ST3GAL3: variants seen among roughly 807,000 people sequenced by gnomAD.
The protein encoded by ST3GAL3 is CMP-N-acetylneuraminate-beta-1,4-galactoside alpha-2,3-sialyltransferase.
ST3GAL3 carries 21 observed loss-of-function variants against 50.1 expected under a neutral mutation model. The observed-to-expected ratio is 0.42, with a 90% CI of 0.30 to 0.60. The LOEUF is 0.60. ST3GAL3 is among the 20% of genes least tolerant of loss of function. The pLI is 0.19. For missense variants in ST3GAL3, 353 were observed against 489.4 expected, an observed-to-expected ratio of 0.72 and a Z score of 2.63; for synonymous variants, 183 against 190.0, an observed-to-expected ratio of 0.96 and a Z score of 0.30.
At chr1:43,792,518 C>T (rs2058201981) in intron 3 of ST3GAL3, among the ~76,000 whole-genome samples, 1 of 152,196 alleles carries the variant, frequency 6.6e-6, no homozygotes, top group Admixed American at 6.5e-5. Flanking sequence ...ACCATCAGGG[C>T]TCTCTACTAG....
chr1:43,791,387 G>A (rs2058059466), intron 2 of ST3GAL3, among the ~76,000 whole-genome samples: 1 of 151,996 alleles, frequency 6.6e-6, no homozygotes, highest in Non-Finnish European at 1.5e-5. Flanking sequence ...CTTGCACATA[G>A]CAGTTGCCCA....
intron 2 of ST3GAL3, chr1:43,743,638 A>G: frequency 7.0e-6 from 2 of 285,390 alleles, no homozygotes; most frequent in Non-Finnish European, 1.4e-5. Flanking sequence ...AATCCATGAA[A>G]CAGGCACACC....
chr1:43,930,032 C>CG (rs764450085), intron 11 of ST3GAL3, 100 bp from the exon 12 acceptor site: 3 of 955,006 alleles, frequency 3.1e-6, no homozygotes, highest in Non-Finnish European at 5.1e-6. Context: ...TCCACAGTCA[C>CG]GGAGTATTGG....
intron 5 of ST3GAL3, among the ~76,000 whole-genome samples, chr1:43,883,323 C>T (rs1430867993): frequency 1.3e-5 from 2 of 152,160 alleles, no homozygotes; most frequent in Non-Finnish European, 2.9e-5. Context: ...TCAGCCCAGA[C>T]ATGTGCCCAT....
chr1:43,797,823 T>G (rs2058852787), intron 3 of ST3GAL3, among the ~76,000 whole-genome samples: 1 of 152,164 alleles, frequency 6.6e-6, no homozygotes, highest in East Asian at 1.9e-4. Flanking sequence ...CATGATTGCC[T>G]ACATAGGAAA....
At chr1:43,889,957 AAAT>A (rs1387194019) in intron 5 of ST3GAL3, among the ~76,000 whole-genome samples, 1 of 152,230 alleles carries the variant, frequency 6.6e-6, no homozygotes, top group East Asian at 1.9e-4. Flanking sequence ...TCTCTACAAA[AAAT>A]AAAAAATAAG....
At chr1:43,726,785 G>T (rs1028406115) in intron 1 of ST3GAL3, among the ~76,000 whole-genome samples, 1 of 150,840 alleles carries the variant, frequency 6.6e-6, no homozygotes, top group African/African-American at 2.4e-5. Flanking sequence ...AGTAATATGG[G>T]GTTTCCCCAT....
chr1:43,758,133 A>G lies in ST3GAL3; in HGVS notation c.118+21753A>G, dbSNP rs111834901. On this transcript the variant is annotated intron_variant, in intron 2 of 11. Transcript: ENST00000347631. ...AACCACAATAAGACACTACTCTTATACTATACTATACTCCATTGGCTGCAT... is the reference window on the plus strand; with the variant it reads ...AACCACAATAAGACACTACTCTTATGCTATACTATACTCCATTGGCTGCAT... Among the ~76,000 whole-genome samples the G allele has an allele frequency of 1.0e-3, 153 of 151,118 alleles. 4 individuals carry two copies. The Middle Eastern group carries it at 0.01, about 10-fold the overall frequency.
At chr1:43,744,403 T>C (rs1682535579) in intron 2 of ST3GAL3, among the ~76,000 whole-genome samples, 1 of 151,826 alleles carries the variant, frequency 6.6e-6, no homozygotes, top group African/African-American at 2.4e-5. Flanking sequence ...GCACCCGCCA[T>C]CATGCCCAGC....
At chr1:43,828,157 G>T (rs1317566870) in intron 4 of ST3GAL3, among the ~76,000 whole-genome samples, 1 of 152,020 alleles carries the variant, frequency 6.6e-6, no homozygotes, top group Non-Finnish European at 1.5e-5. Context: ...AATGGAAAAA[G>T]GATAATTTTT....
intron 9 of ST3GAL3, among the ~76,000 whole-genome samples, chr1:43,917,828 C>T (rs1478911343): frequency 2.0e-5 from 3 of 147,670 alleles, no homozygotes; most frequent in African/African-American, 7.5e-5. Flanking sequence ...ACCACCACAC[C>T]TGGCTAATTT....
chr1:43,713,853 T>G (rs1666001345), intron 1 of ST3GAL3, among the ~76,000 whole-genome samples: 1 of 152,200 alleles, frequency 6.6e-6, no homozygotes, highest in South Asian at 2.1e-4. Context: ...GGTTTTATTT[T>G]TGCATTTATT....
intron 5 of ST3GAL3, among the ~76,000 whole-genome samples, chr1:43,865,062 G>C (rs2070981173): frequency 6.6e-6 from 1 of 151,298 alleles, no homozygotes. Flanking sequence ...TGTCGCCCAG[G>C]CTGGAGTGCA....
intron 9 of ST3GAL3, chr1:43,919,109 G>A (rs1259077438): frequency 2.0e-5 from 2 of 97,930 alleles, no homozygotes; most frequent in African/African-American, 3.8e-5. Flanking sequence ...ACAGAGTCTC[G>A]CTCTGTCGCC....
chr1:43,760,333 T>A (rs6665014), intron 2 of ST3GAL3, among the ~76,000 whole-genome samples: 5 of 152,132 alleles, frequency 3.3e-5, no homozygotes, highest in Non-Finnish European at 7.4e-5. Context: ...AGTCAGTAGA[T>A]ATATTAACAA....
At chr1:43,867,534 G>T (rs2071628812) in intron 5 of ST3GAL3, among the ~76,000 whole-genome samples, 1 of 152,186 alleles carries the variant, frequency 6.6e-6, no homozygotes, top group South Asian at 2.1e-4. Context: ...GTTAAAGTGG[G>T]AGTTATCAGC....
intron 1 of ST3GAL3, among the ~76,000 whole-genome samples, chr1:43,723,400 C>T (rs1031308803): frequency 4.6e-5 from 7 of 151,164 alleles, no homozygotes; most frequent in Non-Finnish European, 7.4e-5. Context: ...TGAGCCACCA[C>T]GCCCGGCCTT....
intron 2 of ST3GAL3, among the ~76,000 whole-genome samples, chr1:43,769,737 A>G (rs1202063918): frequency 6.6e-6 from 1 of 152,230 alleles, no homozygotes; most frequent in African/African-American, 2.4e-5. Flanking sequence ...GGGAAACTAC[A>G]TAAGAAAAAG....
intron 4 of ST3GAL3, among the ~76,000 whole-genome samples, chr1:43,820,279 C>T (rs1369225677): frequency 2.0e-5 from 3 of 152,116 alleles, no homozygotes; most frequent in Non-Finnish European, 4.4e-5. Context: ...AACTGAACCC[C>T]TACATTTTAC....
Sources: gnomAD v4.1 joint callset for allele counts (sites outside exome capture counted in the v4.1 genomes callset) on GRCh38, gnomAD v4.1.1 for gene constraint, MANE v1.5 for transcripts, NCBI Gene and HGNC (gene_info 2026-07-23, HGNC 2026-07-21) for gene names.